The following SPAG16 variants were observed in gnomAD, a reference collection of about 807,000 sequenced individuals.
SPAG16 encodes the protein sperm-associated antigen 16 protein.
SPAG16 carries 86 observed loss-of-function variants against 80.4 expected under a neutral mutation model. The ratio of observed to expected loss-of-function variants is 1.07; its 90% CI spans 0.90 to 1.28. The LOEUF is 1.28. SPAG16 is among the 50% of genes most tolerant of loss of function. The pLI is 0.00. For synonymous variants in SPAG16, 294 were observed against 265.9 expected, an observed-to-expected ratio of 1.11 and a Z score of -1.03; for missense variants, 870 against 765.3, an observed-to-expected ratio of 1.14 and a Z score of -1.61.
intron 9 of SPAG16, among the ~76,000 whole-genome samples, chr2:213,479,696 T>C (rs2073646850): frequency 6.6e-6 from 1 of 152,200 alleles, no homozygotes; most frequent in Admixed American, 6.6e-5. Flanking sequence ...CATTCCTCGG[T>C]CCTCTACAGC....
At chr2:213,327,658 CAATTT>C (rs1255911160) in intron 5 of SPAG16, among the ~76,000 whole-genome samples, 2 of 152,034 alleles carry the variant, frequency 1.3e-5, no homozygotes, top group African/African-American at 4.8e-5. Flanking sequence ...GAAATTAAGA[CAATTT>C]AGTATACTCA....
chr2:213,973,430 G>A (rs1409747114), intron 12 of SPAG16, among the ~76,000 whole-genome samples: 2 of 151,894 alleles, frequency 1.3e-5, no homozygotes, highest in African/African-American at 4.8e-5. Flanking sequence ...CATTATGTCA[G>A]CCCTCAGGTA....
chr2:213,501,851 T>A (rs181800020), intron 10 of SPAG16, among the ~76,000 whole-genome samples: 132 of 152,342 alleles, frequency 8.7e-4, no homozygotes, highest in Middle Eastern at 6.8e-3. Flanking sequence ...TTTTAATCTT[T>A]ACTGCTAGTC....
intron 10 of SPAG16, among the ~76,000 whole-genome samples, chr2:213,546,866 G>A (rs758158847): frequency 2.0e-5 from 3 of 152,028 alleles, no homozygotes; most frequent in African/African-American, 4.8e-5. Context: ...TGCCTTTGGC[G>A]AATTGGAAAT....
chr2:213,561,045 G>A (rs148219319), intron 10 of SPAG16, among the ~76,000 whole-genome samples: 66 of 152,208 alleles, frequency 4.3e-4, no homozygotes, highest in Non-Finnish European at 7.9e-4. Context: ...TGTATTTTTG[G>A]TAGAGATGAG....
At chr2:213,335,897 G>A (rs1468649921) in intron 5 of SPAG16, among the ~76,000 whole-genome samples, 1 of 151,856 alleles carries the variant, frequency 6.6e-6, no homozygotes, top group Admixed American at 6.6e-5. Context: ...AACTTAGGGG[G>A]TGAGAGTAGC....
chr2:214,054,263 G>A (rs2049817161), intron 13 of SPAG16, among the ~76,000 whole-genome samples: 1 of 152,232 alleles, frequency 6.6e-6, no homozygotes, highest in East Asian at 1.9e-4. Flanking sequence ...GCCTGCCTTG[G>A]CCTCCCAAAG....
At chr2:213,555,636 G>A (rs557947641) in intron 10 of SPAG16, among the ~76,000 whole-genome samples, 2 of 152,150 alleles carry the variant, frequency 1.3e-5, no homozygotes, top group Non-Finnish European at 2.9e-5. Context: ...TTTTACATAT[G>A]AGACAAGATA....
At chr2:214,303,212 T>C (rs980332568) in intron 15 of SPAG16, among the ~76,000 whole-genome samples, 2 of 152,226 alleles carry the variant, frequency 1.3e-5, no homozygotes, top group Admixed American at 1.3e-4. Context: ...AACTGCTTTA[T>C]AGAATCTGTG....
chr2:213,289,736 C>T (rs2062194778), intron 1 of SPAG16, among the ~76,000 whole-genome samples: 1 of 152,184 alleles, frequency 6.6e-6, no homozygotes, highest in South Asian at 2.1e-4. Flanking sequence ...TACGTTGGCT[C>T]TGCAGTGATG....
chr2:214,155,567 G>A (rs145469762), intron 15 of SPAG16, among the ~76,000 whole-genome samples: 1 of 152,038 alleles, frequency 6.6e-6, no homozygotes, highest in East Asian at 1.9e-4. Context: ...GGAACTCCTG[G>A]GTGCAAGCAA....
intron 14 of SPAG16, among the ~76,000 whole-genome samples, chr2:214,132,934 A>G (rs2054854335): frequency 6.6e-6 from 1 of 151,850 alleles, no homozygotes; most frequent in Non-Finnish European, 1.5e-5. Flanking sequence ...CTCTACTAAA[A>G]ATACAAAATT....
chr2:214,182,401 T>C (rs1044358221), intron 15 of SPAG16, among the ~76,000 whole-genome samples: 3 of 151,844 alleles, frequency 2.0e-5, no homozygotes, highest in African/African-American at 7.2e-5. Flanking sequence ...AAAATTGATG[T>C]GAATAATGAA....
At chr2:213,330,217 G>A (rs934959240) in intron 5 of SPAG16, among the ~76,000 whole-genome samples, 6 of 151,430 alleles carry the variant, frequency 4.0e-5, no homozygotes, top group African/African-American at 9.7e-5. Flanking sequence ...GCCACTATCC[G>A]TTATACCCCA....
At chr2:213,428,367 A>C (rs2070077745) in intron 9 of SPAG16, among the ~76,000 whole-genome samples, 1 of 152,194 alleles carries the variant, frequency 6.6e-6, no homozygotes, top group Non-Finnish European at 1.5e-5. Context: ...CACTATGAGA[A>C]GGGACATCAC....
intron 1 of SPAG16, among the ~76,000 whole-genome samples, chr2:213,290,289 A>G (rs2062218071): frequency 6.6e-6 from 1 of 152,156 alleles, no homozygotes. Flanking sequence ...ATTTGGGAGG[A>G]ATGGGAGCCT....
At chr2:213,800,438 C>T (rs2125635775) in intron 10 of SPAG16, among the ~76,000 whole-genome samples, 1 of 151,270 alleles carries the variant, frequency 6.6e-6, no homozygotes, top group South Asian at 2.1e-4. Flanking sequence ...ACAATCATAG[C>T]TCACTGTAAT....
Position 213,830,812 on chromosome 2 carries a change from C to A in SPAG16, c.1071-31673C>A, listed in dbSNP as rs78972597. 1.3e-3 allele frequency among the ~76,000 whole-genome samples: 192 copies of A among 152,144 alleles called. No homozygotes were observed. In the Middle Eastern group the frequency reaches 0.014, roughly 11 times the overall value. On this transcript the variant is annotated intron_variant, in intron 10 of 15. Coordinates refer to ENST00000331683, the MANE Select transcript of SPAG16 (RefSeq NM_024532.5). Reference sequence around the variant, plus strand: ...ATCACAAATTTCCCAAATCTGAATTCTTTTATGATTCCTATTTTGTTGACT... The same window carrying A: ...ATCACAAATTTCCCAAATCTGAATTATTTTATGATTCCTATTTTGTTGACT...
At chr2:213,429,647 C>G (rs1179110443) in intron 9 of SPAG16, among the ~76,000 whole-genome samples, 1 of 152,160 alleles carries the variant, frequency 6.6e-6, no homozygotes, top group Admixed American at 6.5e-5. Context: ...CTCAGCTTCT[C>G]AGGAGGACAT....
Sources: allele counts gnomAD v4.1 joint callset (sites outside exome capture counted in the v4.1 genomes callset), GRCh38; gene constraint gnomAD v4.1.1; transcripts MANE v1.5; gene names NCBI Gene and HGNC (gene_info 2026-07-23, HGNC 2026-07-21).